Variants in MKLN1 observed in about 807,000 individuals in gnomAD.
The protein encoded by MKLN1 is muskelin.
A neutral mutation model predicts 99.0 loss-of-function variants in MKLN1; 18 were observed. That is an observed-to-expected ratio of 0.18 (90% CI 0.13 to 0.27). The LOEUF (loss-of-function observed/expected upper bound fraction) is 0.27. Among genes scored for constraint, MKLN1 ranks in the 10% least tolerant of loss-of-function variants. MKLN1 has a pLI of 1.00. For missense variants in MKLN1, 621 were observed against 875.9 expected, an observed-to-expected ratio of 0.71 and a Z score of 3.67; for synonymous variants, 288 against 293.2, an observed-to-expected ratio of 0.98 and a Z score of 0.18.
intron 2 of MKLN1, among the ~76,000 whole-genome samples, chr7:131,159,403 C>A (rs1796014662): frequency 6.6e-6 from 1 of 152,080 alleles, no homozygotes; most frequent in African/African-American, 2.4e-5. Flanking sequence ...AAAATGAAAT[C>A]ATGTCATTTG....
intron 2 of MKLN1, among the ~76,000 whole-genome samples, chr7:131,150,034 C>T (rs1027335681): frequency 1.3e-5 from 2 of 152,180 alleles, no homozygotes; most frequent in African/African-American, 2.4e-5. Flanking sequence ...AGAGAGCATG[C>T]TCCACCTCAG....
intron 11 of MKLN1, among the ~76,000 whole-genome samples, chr7:131,444,781 T>C (rs559150299): frequency 6.2e-5 from 9 of 144,246 alleles, no homozygotes; most frequent in African/African-American, 2.3e-4. Context: ...GTAGTAGTAG[T>C]AGTAGTAGTA....
At chr7:131,376,133 TATGTATG>T (rs1487299692) in intron 2 of MKLN1, among the ~76,000 whole-genome samples, 44 of 1,858 alleles carry the variant, frequency 0.024, no homozygotes, top group African/African-American at 0.027. Context: ...TATATATATA[TATGTATG>T]ATGTATGTAT....
chr7:131,180,766 C>A (rs1796367538), intron 2 of MKLN1, among the ~76,000 whole-genome samples: 1 of 151,502 alleles, frequency 6.6e-6, no homozygotes, highest in Non-Finnish European at 1.5e-5. Context: ...TAATTTATTT[C>A]TTTCTTAAAA....
At chr7:131,155,000 C>G (rs192986687) in intron 2 of MKLN1, among the ~76,000 whole-genome samples, 1 of 152,190 alleles carries the variant, frequency 6.6e-6, no homozygotes, top group South Asian at 2.1e-4. Context: ...GACATTTACA[C>G]TGACATAGTT....
At chr7:131,175,085 CAG>C (rs1179191849) in intron 2 of MKLN1, among the ~76,000 whole-genome samples, 2 of 144,570 alleles carry the variant, frequency 1.4e-5, no homozygotes, top group Non-Finnish European at 3.0e-5. Context: ...GATGGGGAGA[CAG>C]AGAGATAGGG....
intron 3 of MKLN1, among the ~76,000 whole-genome samples, chr7:131,248,502 C>T (rs1406487169): frequency 1.3e-5 from 2 of 152,082 alleles, no homozygotes; most frequent in African/African-American, 4.8e-5. Context: ...GTGCTAAGTG[C>T]TTTCACATAC....
intron 1 of MKLN1, among the ~76,000 whole-genome samples, chr7:131,330,531 AG>A (rs1235156227): frequency 6.6e-6 from 1 of 152,188 alleles, no homozygotes; most frequent in Admixed American, 6.5e-5. Context: ...AACTTGCCTA[AG>A]GTCACACAGC....
rs139086909 is a variant in MKLN1 at position 131,286,631 on chromosome 7, C to A, written c.-179+83657C>A. Among the ~76,000 whole-genome samples, 1,303 of 152,320 alleles carry A rather than the reference C, an allele frequency of 8.6e-3. 16 individuals carry two copies. The highest frequency in any genetic ancestry group is 0.064 in the South Asian group (309 of 4,834). On this transcript the variant is annotated intron_variant, in intron 3 of 7. Coordinates refer to the MKLN1 transcript ENST00000416992. ...AGGTTTCTTTCTCATTTACCAATTA[C>A]AGAATGTCCACTCTGTTTAAAGTAC...
intron 15 of MKLN1, among the ~76,000 whole-genome samples, chr7:131,468,493 T>C (rs1381454153): frequency 6.6e-6 from 1 of 152,220 alleles, no homozygotes; most frequent in East Asian, 1.9e-4. Flanking sequence ...ATAAATATTC[T>C]GTTTAGTTAG....
At chr7:131,191,646 G>A (rs1026851844) in intron 2 of MKLN1, among the ~76,000 whole-genome samples, 1 of 151,940 alleles carries the variant, frequency 6.6e-6, no homozygotes, top group African/African-American at 2.4e-5. Flanking sequence ...AAAATCTGTG[G>A]CATCTTCATT....
rs532757024 is a variant in MKLN1 at position 131,271,596 on chromosome 7, G to A, written c.-179+68622G>A. On this transcript the variant is annotated intron_variant, in intron 3 of 7. Coordinates refer to the MKLN1 transcript ENST00000416992. ...CATGCCACTGCATTCCAGCCTGGGC[G>A]ACAGAGTGAGACTCCGTCTCCTAAA... Among the ~76,000 whole-genome samples, 8 of 144,176 alleles carry A rather than the reference G, an allele frequency of 5.5e-5. No homozygotes were observed. In the East Asian group the frequency reaches 1.6e-3, roughly 29 times the overall value. 94.6% of individuals were successfully genotyped at this position (144,176 alleles called of 152,430 possible).
chr7:131,256,521 G>A (rs139444006), intron 3 of MKLN1, among the ~76,000 whole-genome samples: 24 of 152,254 alleles, frequency 1.6e-4, no homozygotes, highest in African/African-American at 4.8e-4. Flanking sequence ...GAGGTGGGTG[G>A]GAGCAAAGCT....
intron 7 of MKLN1, among the ~76,000 whole-genome samples, chr7:131,412,080 C>T (rs1374418806): frequency 6.6e-6 from 1 of 152,046 alleles, no homozygotes; most frequent in Admixed American, 6.6e-5. Context: ...GAGCGAGACT[C>T]TGTCTCAAAA....
chr7:131,160,349 G>A (rs1289730476), intron 2 of MKLN1, among the ~76,000 whole-genome samples: 2 of 151,836 alleles, frequency 1.3e-5, no homozygotes, highest in Non-Finnish European at 2.9e-5. Context: ...CCATTTCTTG[G>A]CTATTGTAAA....
rs28685771 is a variant in MKLN1, at chr7:131,463,433, A to G, written c.1673+69A>G. 5,836 of 1,476,804 alleles carry G rather than the reference A, an allele frequency of 4.0e-3. 159 individuals are homozygous for G. In the African/African-American group the frequency reaches 0.065, roughly 16 times the overall value. 91.5% of individuals were successfully genotyped at this position (1,476,804 alleles called of 1,614,324 possible). On this transcript the variant is annotated intron_variant, in intron 13 of 17. Transcript: ENST00000352689. ...TTTGAGGTTGTTGGTTTATTCAAAA[A>G]AGAGAGAAATGAGAGTATTACGTTA...
At chr7:131,126,983 T>A (rs1017987309) in intron 1 of MKLN1, among the ~76,000 whole-genome samples, 1 of 151,992 alleles carries the variant, frequency 6.6e-6, no homozygotes, top group Non-Finnish European at 1.5e-5. Context: ...CTGACCAACA[T>A]GGAAAAACTC....
At chr7:131,174,794 C>T (rs915734639) in intron 2 of MKLN1, among the ~76,000 whole-genome samples, 1 of 152,066 alleles carries the variant, frequency 6.6e-6, no homozygotes, top group African/African-American at 2.4e-5. Context: ...CTGCTACCTG[C>T]CAAGTTGAAT....
intron 3 of MKLN1, among the ~76,000 whole-genome samples, chr7:131,208,756 G>A (rs1159902287): frequency 2.6e-5 from 4 of 152,144 alleles, no homozygotes; most frequent in Non-Finnish European, 2.9e-5. Context: ...CTAGGAATAC[G>A]ACAGCAAACA....
Sources: gnomAD v4.1 joint callset for allele counts (sites outside exome capture counted in the v4.1 genomes callset) on GRCh38, gnomAD v4.1.1 for gene constraint, MANE v1.5 for transcripts, NCBI Gene and HGNC (gene_info 2026-07-23, HGNC 2026-07-21) for gene names.